DLG2: variants seen among roughly 807,000 people sequenced by gnomAD.
The protein encoded by DLG2 is discs large MAGUK scaffold protein 2, also known as disks large homolog 2.
DLG2 carries 45 observed loss-of-function variants against 132.5 expected under a neutral mutation model. The ratio of observed to expected loss-of-function variants is 0.34; its 90% CI spans 0.27 to 0.44. The LOEUF (loss-of-function observed/expected upper bound fraction) is 0.44, where lower values mean the gene tolerates loss of function less well. Among genes scored for constraint, DLG2 ranks in the 20% least tolerant of loss-of-function variants. DLG2 has a pLI of 1.00. For synonymous variants in DLG2, 424 were observed against 419.6 expected (o/e 1.01, Z -0.13); for missense variants, 1,045 against 1,196.9 (o/e 0.87, Z 1.87).
intron 18 of DLG2, among the ~76,000 whole-genome samples, chr11:83,772,762 T>A (rs1409337771): frequency 2.0e-5 from 3 of 152,154 alleles, no homozygotes; most frequent in African/African-American, 7.2e-5. Context: ...CACATTCTCC[T>A]GTTAAGTGTT....
chr11:83,506,487 A>C (rs1015577873), intron 21 of DLG2, among the ~76,000 whole-genome samples: 5 of 152,164 alleles, frequency 3.3e-5, no homozygotes, highest in Non-Finnish European at 1.5e-5. Flanking sequence ...ACCAGCCAGA[A>C]GTTTAGTCTA....
chr11:84,231,258 G>C (rs755498726), intron 8 of DLG2, among the ~76,000 whole-genome samples: 4 of 152,212 alleles, frequency 2.6e-5, no homozygotes, highest in African/African-American at 4.8e-5. Flanking sequence ...TATGATGTTA[G>C]AAGAGTTAAA....
chr11:84,538,717 G>A (rs749789604), intron 6 of DLG2, among the ~76,000 whole-genome samples: 19 of 152,056 alleles, frequency 1.2e-4, no homozygotes, highest in Non-Finnish European at 2.5e-4. Flanking sequence ...AAGGTACAGT[G>A]TGGCAGGAGG....
rs1375623159 is a variant in DLG2, at chr11:83,459,017, T to C, written c.*801A>G. The C allele has an allele frequency of 6.6e-6, 1 of 152,398 alleles. No homozygotes were observed. The highest frequency in any genetic ancestry group is 1.5e-5 in the Non-Finnish European group (1 of 68,042). 9.4% of individuals were successfully genotyped at this position (152,398 alleles called of 1,614,324 possible). ...TGATCATCTGCTGATGTTGCATACA[T>C]TTAGTCTTTCAATATTAGTCTTTAC... is the stretch of plus-strand genomic sequence containing the variant. On this transcript the variant is annotated 3_prime_UTR_variant, in exon 28 of 28. Coordinates refer to ENST00000376104, the MANE Select transcript of DLG2 (RefSeq NM_001142699.3).
chr11:83,817,394 T>C (rs980209277), intron 17 of DLG2, among the ~76,000 whole-genome samples: 2 of 152,082 alleles, frequency 1.3e-5, no homozygotes, highest in Non-Finnish European at 2.9e-5. Flanking sequence ...GAGGATACAA[T>C]GTCAGATATA....
At chr11:83,905,862 C>T (rs1400924637) in intron 15 of DLG2, among the ~76,000 whole-genome samples, 1 of 151,700 alleles carries the variant, frequency 6.6e-6, no homozygotes, top group African/African-American at 2.4e-5. Context: ...ATAGGGTGGG[C>T]CAAATAAATT....
intron 6 of DLG2, among the ~76,000 whole-genome samples, chr11:84,987,357 C>T (rs2056610861): frequency 6.6e-6 from 1 of 151,826 alleles, no homozygotes; most frequent in South Asian, 2.1e-4. Context: ...AAGTAATCTA[C>T]AAATTCAACA....
chr11:83,797,412 C>G (rs11607507), intron 17 of DLG2, among the ~76,000 whole-genome samples: 63,855 of 151,874 alleles, frequency 0.42, 13,638 homozygotes, highest in Middle Eastern at 0.59. Flanking sequence ...AACTGAGGCA[C>G]AGATTAAGTA....
chr11:84,024,029 A>G (rs1271375020), intron 11 of DLG2, among the ~76,000 whole-genome samples: 1 of 152,164 alleles, frequency 6.6e-6, no homozygotes, highest in Non-Finnish European at 1.5e-5. Flanking sequence ...GCTTCCTGTC[A>G]ATGAATACTA....
intron 6 of DLG2, among the ~76,000 whole-genome samples, chr11:84,968,537 T>C (rs540869442): frequency 9.8e-5 from 15 of 152,320 alleles, no homozygotes; most frequent in African/African-American, 3.6e-4. Flanking sequence ...GGTAATGGTA[T>C]TATAAAAATT....
intron 11 of DLG2, among the ~76,000 whole-genome samples, chr11:84,025,020 T>G (rs12807339): frequency 0.022 from 3,415 of 152,230 alleles, 70 homozygotes; most frequent in Middle Eastern, 0.034. Context: ...TATACAATTA[T>G]AAGTTGTCAG....
chr11:84,895,636 T>C (rs2090087366), intron 6 of DLG2, among the ~76,000 whole-genome samples: 1 of 152,156 alleles, frequency 6.6e-6, no homozygotes, highest in East Asian at 1.9e-4. Context: ...GCAGATAGTT[T>C]TTTAGTTTTA....
chr11:84,225,458 G>C (rs373435646), intron 8 of DLG2, among the ~76,000 whole-genome samples: 1 of 152,118 alleles, frequency 6.6e-6, no homozygotes, highest in Non-Finnish European at 1.5e-5. Flanking sequence ...GGAAGATCTC[G>C]TGTCACGATT....
At chr11:84,276,521 A>G (rs1230395173) in intron 7 of DLG2, among the ~76,000 whole-genome samples, 1 of 152,224 alleles carries the variant, frequency 6.6e-6, no homozygotes, top group African/African-American at 2.4e-5. Context: ...GATAAATGTA[A>G]TATTATGTCA....
At position 83,874,536 on chromosome 11, in the gene DLG2, TTTTTTA is replaced by T. The variant is rs763969055; in HGVS notation, c.1497-54_1497-49del. ...CACACATCATTTATTTATTTTTTAT[TTTTTTA>T]TTTTTTTATTATACTTTAAGTTTTA... is the stretch of plus-strand genomic sequence containing the variant. On this transcript the variant is annotated intron_variant, in intron 15 of 27. Coordinates refer to ENST00000376104, the MANE Select transcript of DLG2 (RefSeq NM_001142699.3). 1.3e-5 allele frequency: 18 copies of T among 1,344,362 alleles called. No homozygotes were observed. In the South Asian group the frequency reaches 1.5e-4, roughly 11 times the overall value. The allele number at this position is 1,344,362 out of a possible 1,614,324, so 83.3% of individuals were successfully genotyped here.
chr11:85,001,555 T>A (rs1285087332), intron 6 of DLG2, among the ~76,000 whole-genome samples: 1 of 152,166 alleles, frequency 6.6e-6, no homozygotes, highest in African/African-American at 2.4e-5. Flanking sequence ...CTTTCAGTTA[T>A]CAGTGATTCT....
chr11:83,894,085 A>G (rs1027480568), intron 15 of DLG2, among the ~76,000 whole-genome samples: 16 of 152,214 alleles, frequency 1.1e-4, no homozygotes, highest in African/African-American at 3.6e-4. Context: ...GAAACAACCA[A>G]TGTATTCCAG....
intron 6 of DLG2, among the ~76,000 whole-genome samples, chr11:84,924,577 G>A (rs774704109): frequency 4.4e-4 from 67 of 152,344 alleles, no homozygotes; most frequent in Non-Finnish European, 9.0e-4. Flanking sequence ...TTCAGGGAGA[G>A]AAATTAAAGG....
At chr11:85,355,197 G>GA (rs1280974789) in intron 3 of DLG2, among the ~76,000 whole-genome samples, 1 of 152,054 alleles carries the variant, frequency 6.6e-6, no homozygotes, top group Non-Finnish European at 1.5e-5. Context: ...ATAAAAGATT[G>GA]AATATTCACT....
Sources: allele counts gnomAD v4.1 joint callset (sites outside exome capture counted in the v4.1 genomes callset), GRCh38; gene constraint gnomAD v4.1.1; transcripts MANE v1.5; gene names NCBI Gene and HGNC (gene_info 2026-07-23, HGNC 2026-07-21).